The following NFIB variants were observed in gnomAD, a reference collection of about 807,000 sequenced individuals.
NFIB encodes the protein nuclear factor I B.
NFIB carries 11 observed loss-of-function variants against 61.5 expected under a neutral mutation model. That is an observed-to-expected ratio of 0.18 (90% CI 0.11 to 0.30). The LOEUF is 0.30. NFIB is among the 10% of genes least tolerant of loss of function. The pLI is 1.00. For missense variants in NFIB, 471 were observed against 608.9 expected (o/e 0.77, Z 2.38); for synonymous variants, 260 against 216.5 (o/e 1.20, Z -1.76).
intron 2 of NFIB, among the ~76,000 whole-genome samples, chr9:14,214,831 TAC>T (rs1337230256): frequency 2.0e-5 from 3 of 152,170 alleles, no homozygotes; most frequent in Non-Finnish European, 4.4e-5. Context: ...CACAGTCCAG[TAC>T]ACACAGGAAG....
Position 14,232,238 on chromosome 9 carries a change from T to C in NFIB, c.563-52458A>G, listed in dbSNP as rs73645020. On this transcript the variant is annotated intron_variant, in intron 2 of 10. Coordinates refer to ENST00000380953, the MANE Select transcript of NFIB (RefSeq NM_001190737.2). ...AAGTCAATAGTGTTTGTGCCTTTTCTGCATGGCTGCTTTTTCTCATACAAG... is the reference window on the plus strand; with the variant it reads ...AAGTCAATAGTGTTTGTGCCTTTTCCGCATGGCTGCTTTTTCTCATACAAG... 5.2e-3 allele frequency among the ~76,000 whole-genome samples: 797 copies of C among 152,322 alleles called. 11 individuals are homozygous for C. Among genetic ancestry groups the C allele is most frequent in the African/African-American group, 0.018 (743 of 41,568 alleles).
chr9:14,232,053 G>A (rs922556582), intron 2 of NFIB, among the ~76,000 whole-genome samples: 3 of 152,170 alleles, frequency 2.0e-5, no homozygotes, highest in African/African-American at 7.2e-5. Flanking sequence ...TCTCTTATCA[G>A]TATGGAACAG....
intron 2 of NFIB, among the ~76,000 whole-genome samples, chr9:14,283,492 C>T (rs748728121): frequency 3.9e-5 from 6 of 152,192 alleles, no homozygotes; most frequent in Non-Finnish European, 8.8e-5. Context: ...ACTGGCAAGT[C>T]TAGCATCTTG....
chr9:14,348,944 C>A (rs963921907), intron 1 of NFIB, among the ~76,000 whole-genome samples: 1 of 152,228 alleles, frequency 6.6e-6, no homozygotes, highest in Non-Finnish European at 1.5e-5. Context: ...TGGGCTCCCG[C>A]CCCCACCTTG....
chr9:14,379,828 G>T (rs937700575), intron 1 of NFIB, among the ~76,000 whole-genome samples: 3 of 151,984 alleles, frequency 2.0e-5, no homozygotes, highest in African/African-American at 7.3e-5. Flanking sequence ...AATTACAGGT[G>T]CCTGCCACCA....
At chr9:14,243,110 A>C (rs2054521892) in intron 2 of NFIB, among the ~76,000 whole-genome samples, 1 of 152,200 alleles carries the variant, frequency 6.6e-6, no homozygotes, top group South Asian at 2.1e-4. Flanking sequence ...GATTTAACCA[A>C]GTTTGAGAAC....
At chr9:14,218,259 AT>A (rs958248896) in intron 2 of NFIB, among the ~76,000 whole-genome samples, 17 of 152,082 alleles carry the variant, frequency 1.1e-4, no homozygotes, top group Middle Eastern at 3.4e-3. Flanking sequence ...AAATAAAATG[AT>A]TTTTTTTAAG....
intron 6 of NFIB, among the ~76,000 whole-genome samples, chr9:14,127,675 G>T (rs2039849422): frequency 6.6e-6 from 1 of 152,084 alleles, no homozygotes; most frequent in Admixed American, 6.6e-5. Flanking sequence ...CTATTAATAT[G>T]AGAAACTAAT....
intron 2 of NFIB, among the ~76,000 whole-genome samples, chr9:14,237,823 T>C: frequency 8.8e-6 from 1 of 113,902 alleles, no homozygotes; most frequent in African/African-American, 3.4e-5. Flanking sequence ...TGTAAGCTCC[T>C]CACCCTGCTA....
chr9:14,464,353 A>G, the NFIB span, among the ~76,000 whole-genome samples: 10 of 152,336 alleles, frequency 6.6e-5, no homozygotes, highest in African/African-American at 2.4e-4. Context: ...AGTGCATGAC[A>G]TAGATATATT....
At chr9:14,386,719 T>C (rs985777795) in intron 1 of NFIB, among the ~76,000 whole-genome samples, 25 of 152,214 alleles carry the variant, frequency 1.6e-4, no homozygotes, top group Middle Eastern at 3.2e-3. Context: ...TCTATTTTTA[T>C]ATATTTATTA....
chr9:14,192,768 T>A (rs943668303), intron 2 of NFIB, among the ~76,000 whole-genome samples: 6 of 152,192 alleles, frequency 3.9e-5, no homozygotes, highest in African/African-American at 1.4e-4. Flanking sequence ...TGCTAATGAC[T>A]GGGTGACCTC....
chr9:14,446,571 G>A, the NFIB span, among the ~76,000 whole-genome samples: 4 of 151,676 alleles, frequency 2.6e-5, no homozygotes, highest in Admixed American at 2.6e-4. Flanking sequence ...TCTACTTTTG[G>A]TTTGTAGCAG....
At chr9:14,159,518 C>G (rs1374302014) in intron 3 of NFIB, among the ~76,000 whole-genome samples, 5 of 152,244 alleles carry the variant, frequency 3.3e-5, no homozygotes, top group South Asian at 4.1e-4. Context: ...TGAGAATCAG[C>G]CAAGTGGGGT....
the NFIB span, among the ~76,000 whole-genome samples, chr9:14,462,093 C>G: frequency 6.6e-6 from 1 of 152,170 alleles, no homozygotes; most frequent in African/African-American, 2.4e-5. Context: ...CATTCCAGCT[C>G]ATAAGGTATC....
the NFIB span, among the ~76,000 whole-genome samples, chr9:14,496,230 T>A: frequency 6.6e-6 from 1 of 152,246 alleles, no homozygotes; most frequent in Non-Finnish European, 1.5e-5. Flanking sequence ...GTGAGACATC[T>A]TGGGGATGGA....
chr9:14,356,020 C>T (rs978089258), intron 1 of NFIB, among the ~76,000 whole-genome samples: 14 of 151,220 alleles, frequency 9.3e-5, no homozygotes, highest in Non-Finnish European at 8.8e-5. Flanking sequence ...CTTTCAACAA[C>T]GGGCTTGCAT....
chr9:14,215,976 G>C (rs1009559371), intron 2 of NFIB, among the ~76,000 whole-genome samples: 1 of 152,202 alleles, frequency 6.6e-6, no homozygotes, highest in South Asian at 2.1e-4. Context: ...TTGTTCATGG[G>C]GGGTGGGCAA....
chr9:14,268,647 A>G (rs1192712192), intron 2 of NFIB, among the ~76,000 whole-genome samples: 4 of 152,172 alleles, frequency 2.6e-5, no homozygotes, highest in Non-Finnish European at 4.4e-5. Flanking sequence ...CTGTACTCCA[A>G]TAGCTCTTTT....
Sources: allele counts gnomAD v4.1 joint callset (sites outside exome capture counted in the v4.1 genomes callset), GRCh38; gene constraint gnomAD v4.1.1; transcripts MANE v1.5; gene names NCBI Gene and HGNC (gene_info 2026-07-23, HGNC 2026-07-21).